Variants in GADL1 observed in about 807,000 individuals in gnomAD.
The protein encoded by GADL1 is acidic amino acid decarboxylase GADL1.
GADL1 carries 71 observed loss-of-function variants against 69.5 expected under a neutral mutation model. The ratio of observed to expected loss-of-function variants is 1.02; its 90% CI spans 0.84 to 1.25. The LOEUF is 1.25. Among genes scored for constraint, GADL1 ranks in the 50% most tolerant of loss-of-function variants. GADL1 has a pLI of 0.00. For missense variants in GADL1, 737 were observed against 631.8 expected, an observed-to-expected ratio of 1.17 and a Z score of -1.79; for synonymous variants, 254 against 214.4, an observed-to-expected ratio of 1.18 and a Z score of -1.62.
intron 7 of GADL1, 22 bp downstream of exon 7, chr3:30,844,365 T>A (rs192867299): frequency 1.4e-5 from 22 of 1,598,630 alleles, no homozygotes; most frequent in South Asian, 2.2e-5. Flanking sequence ...CCCACCAGGC[T>A]TCCAGATCCT....
At chr3:30,817,387 G>A (rs1246144813) in intron 11 of GADL1, among the ~76,000 whole-genome samples, 1 of 152,130 alleles carries the variant, frequency 6.6e-6, no homozygotes, top group Admixed American at 6.5e-5. Flanking sequence ...TCATGGGTAA[G>A]TCATTTCCTC....
intron 14 of GADL1, among the ~76,000 whole-genome samples, chr3:30,741,258 C>T (rs1695622583): frequency 6.8e-6 from 1 of 146,568 alleles, no homozygotes; most frequent in Admixed American, 7.0e-5. Context: ...CTCTCTCTGC[C>T]CACGCCAAGA....
chr3:30,814,861 G>A (rs1697432309), intron 11 of GADL1, among the ~76,000 whole-genome samples: 1 of 151,936 alleles, frequency 6.6e-6, no homozygotes, highest in South Asian at 2.1e-4. Flanking sequence ...CTACTTGGAA[G>A]ACTGAGGCAG....
At chr3:30,770,782 G>A (rs140913863) in intron 14 of GADL1, among the ~76,000 whole-genome samples, 2 of 151,060 alleles carry the variant, frequency 1.3e-5, no homozygotes, top group Non-Finnish European at 2.9e-5. Flanking sequence ...CAGAACTTAT[G>A]CCACAATAAA....
intron 3 of GADL1, among the ~76,000 whole-genome samples, chr3:30,855,078 T>C (rs1402798341): frequency 6.6e-6 from 1 of 152,100 alleles, no homozygotes; most frequent in Non-Finnish European, 1.5e-5. Flanking sequence ...TGGCTCCATA[T>C]GCACAGCTAC....
At chr3:30,836,447 A>G (rs1178645211) in intron 9 of GADL1, among the ~76,000 whole-genome samples, 1 of 151,562 alleles carries the variant, frequency 6.6e-6, no homozygotes, top group African/African-American at 2.4e-5. Flanking sequence ...AATTTGCTGC[A>G]CTCTAATTCC....
rs573217463 is a variant in GADL1, at chr3:30,738,022, G to A, written c.1393-9607C>T. On this transcript the variant is annotated intron_variant, in intron 14 of 14. Transcript: ENST00000282538. ...GAAATGAACAGTCATAAAAACAAACGAAACTGAACTGAAAGCTTTAGCTGA... is the reference window on the plus strand; with the variant it reads ...GAAATGAACAGTCATAAAAACAAACAAAACTGAACTGAAAGCTTTAGCTGA... 1.4e-4 allele frequency among the ~76,000 whole-genome samples: 21 copies of A among 152,188 alleles called. No homozygotes were observed. The South Asian group carries it at 1.7e-3, about 12-fold the overall frequency.
intron 13 of GADL1, among the ~76,000 whole-genome samples, chr3:30,781,158 G>T (rs569133230): frequency 2.0e-5 from 3 of 151,986 alleles, no homozygotes; most frequent in African/African-American, 7.2e-5. Context: ...CTCTGGAGCA[G>T]CAAGTGCATT....
chr3:30,874,197 C>T (rs568892974), intron 1 of GADL1, among the ~76,000 whole-genome samples: 2 of 152,000 alleles, frequency 1.3e-5, no homozygotes, highest in South Asian at 2.1e-4. Context: ...TTCAGCTTCA[C>T]CTCTATATAA....
At chr3:30,826,742 T>C (rs1242879419) in intron 11 of GADL1, among the ~76,000 whole-genome samples, 1 of 151,802 alleles carries the variant, frequency 6.6e-6, no homozygotes, top group Non-Finnish European at 1.5e-5. Context: ...AAGTATCTCT[T>C]CTACTTGTCC....
chr3:30,788,936 C>CCT (rs1696855406), intron 12 of GADL1, among the ~76,000 whole-genome samples: 1 of 152,036 alleles, frequency 6.6e-6, no homozygotes, highest in South Asian at 2.1e-4. Flanking sequence ...GACTTCCTTC[C>CCT]CTGAAGTCTT....
chr3:30,867,359 T>TG (rs1158919324), intron 1 of GADL1, among the ~76,000 whole-genome samples: 1 of 149,532 alleles, frequency 6.7e-6, no homozygotes, highest in Non-Finnish European at 1.5e-5. Context: ...CTTTAATAAT[T>TG]ATGTATTTAT....
At chr3:30,767,647 T>C (rs867581928) in intron 14 of GADL1, among the ~76,000 whole-genome samples, 3 of 152,128 alleles carry the variant, frequency 2.0e-5, no homozygotes, top group Admixed American at 6.6e-5. Flanking sequence ...GGAGATGGAA[T>C]AGAATATCAG....
At chr3:30,876,254 A>G (rs929245986) in intron 1 of GADL1, among the ~76,000 whole-genome samples, 1 of 152,074 alleles carries the variant, frequency 6.6e-6, no homozygotes, top group Non-Finnish European at 1.5e-5. Context: ...GCTAGAAGGT[A>G]TCAGAGATCA....
intron 2 of GADL1, among the ~76,000 whole-genome samples, chr3:30,858,235 A>G (rs914252690): frequency 3.3e-5 from 5 of 152,076 alleles, no homozygotes; most frequent in African/African-American, 1.2e-4. Flanking sequence ...CTGAATGGAT[A>G]AACAGAGATA....
chr3:30,891,755 A>G (rs1443510121), intron 1 of GADL1, among the ~76,000 whole-genome samples: 1 of 152,202 alleles, frequency 6.6e-6, no homozygotes, highest in Non-Finnish European at 1.5e-5. Context: ...AGTAGGGACC[A>G]TGCACCCAGT....
chr3:30,732,565 A>T (rs1017212154), intron 14 of GADL1, among the ~76,000 whole-genome samples: 1 of 152,160 alleles, frequency 6.6e-6, no homozygotes, highest in Admixed American at 6.5e-5. Context: ...TTTGATATTT[A>T]AAAGTTGCTT....
At chr3:30,764,495 A>G (rs886567088) in intron 14 of GADL1, among the ~76,000 whole-genome samples, 3 of 152,224 alleles carry the variant, frequency 2.0e-5, no homozygotes, top group African/African-American at 4.8e-5. Context: ...GTGTAGTTAC[A>G]TTTTCTTTCC....
intron 1 of GADL1, among the ~76,000 whole-genome samples, chr3:30,877,482 C>G (rs2125543568): frequency 6.6e-6 from 1 of 151,986 alleles, no homozygotes; most frequent in Non-Finnish European, 1.5e-5. Context: ...TCTATCACTG[C>G]ATCATACAAA....
Sources: allele counts gnomAD v4.1 joint callset (sites outside exome capture counted in the v4.1 genomes callset), GRCh38; gene constraint gnomAD v4.1.1; transcripts MANE v1.5; gene names NCBI Gene and HGNC (gene_info 2026-07-23, HGNC 2026-07-21).